FBXL7: variants seen among roughly 807,000 people sequenced by gnomAD.
FBXL7 encodes the protein F-box and leucine rich repeat protein 7.
FBXL7 carries 12 observed loss-of-function variants against 38.3 expected under a neutral mutation model. The ratio of observed to expected loss-of-function variants is 0.31; its 90% confidence interval spans 0.20 to 0.51. The LOEUF (loss-of-function observed/expected upper bound fraction) is 0.51. Among genes scored for constraint, FBXL7 ranks in the 20% least tolerant of loss-of-function variants. FBXL7 has a pLI of 0.98. For synonymous variants in FBXL7, 297 were observed against 300.9 expected, an observed-to-expected ratio of 0.99 and a Z score of 0.13; for missense variants, 567 against 676.4, an observed-to-expected ratio of 0.84 and a Z score of 1.79.
At chr5:15,512,259 C>G (rs534461367) in intron 1 of FBXL7, among the ~76,000 whole-genome samples, 25 of 152,196 alleles carry the variant, frequency 1.6e-4, no homozygotes, top group African/African-American at 6.0e-4. Context: ...AATAGAAATC[C>G]ATCTTATTCA....
intron 2 of FBXL7, among the ~76,000 whole-genome samples, chr5:15,638,799 G>C (rs145644240): frequency 1.6e-3 from 249 of 152,276 alleles, no homozygotes; most frequent in African/African-American, 5.7e-3. Flanking sequence ...CTGATTGCTA[G>C]AAATTTCCAG....
At chr5:15,716,719 C>T (rs1744051946) in intron 2 of FBXL7, among the ~76,000 whole-genome samples, 1 of 152,148 alleles carries the variant, frequency 6.6e-6, no homozygotes, top group African/African-American at 2.4e-5. Flanking sequence ...AATTTGGCTG[C>T]AATTCATAAT....
At chr5:15,580,863 A>G in intron 1 of FBXL7, 1 of 966,482 alleles carries the variant, frequency 1.0e-6, no homozygotes, top group South Asian at 4.8e-5. Context: ...TGGTTGATGC[A>G]TGGCTGGAAG....
At chr5:15,901,753 A>G (rs947647836) in intron 2 of FBXL7, among the ~76,000 whole-genome samples, 9 of 152,212 alleles carry the variant, frequency 5.9e-5, no homozygotes, top group African/African-American at 1.9e-4. Context: ...AGCACAGTGC[A>G]CTAAATACTC....
chr5:15,798,922 A>G (rs1737486288), intron 2 of FBXL7, among the ~76,000 whole-genome samples: 1 of 152,230 alleles, frequency 6.6e-6, no homozygotes, highest in Non-Finnish European at 1.5e-5. Context: ...GACTTAGACT[A>G]AAAATGCAGT....
intron 2 of FBXL7, among the ~76,000 whole-genome samples, chr5:15,764,435 C>T (rs1209906463): frequency 6.6e-6 from 1 of 152,046 alleles, no homozygotes; most frequent in African/African-American, 2.4e-5. Context: ...TAGAAGTGAA[C>T]ATTATAAGCA....
chr5:15,586,460 T>C (rs1178423567), intron 1 of FBXL7, among the ~76,000 whole-genome samples: 1 of 151,732 alleles, frequency 6.6e-6, no homozygotes, highest in African/African-American at 2.4e-5. Flanking sequence ...CATATAACTT[T>C]CATGAAGTGT....
At chr5:15,546,982 A>C (rs1737917591) in intron 1 of FBXL7, among the ~76,000 whole-genome samples, 1 of 152,204 alleles carries the variant, frequency 6.6e-6, no homozygotes, top group Non-Finnish European at 1.5e-5. Flanking sequence ...TGACACACCA[A>C]TATTTAAAAG....
rs1736754585 is a variant in FBXL7 at position 15,510,094 on chromosome 5, G to A, written c.37+9381G>A. On this transcript the variant is annotated intron_variant, in intron 1 of 3. Transcript: ENST00000504595. ...TGAATTACATTTACTCATTCTATCA[G>A]TTCCTCTTTAAATTCTTAAACCAGT... 2.0e-5 allele frequency among the ~76,000 whole-genome samples: 3 copies of A among 152,204 alleles called. No individual in the cohort carries two copies. In the South Asian group the frequency reaches 6.2e-4, roughly 31 times the overall value.
chr5:15,664,428 G>T (rs1443957413), intron 2 of FBXL7, among the ~76,000 whole-genome samples: 6 of 142,902 alleles, frequency 4.2e-5, no homozygotes, highest in Admixed American at 4.1e-4. Context: ...GGAGTTTACC[G>T]TTACCTTGAG....
chr5:15,927,757 A>G, intron 2 of FBXL7, 133 bp from the exon 3 acceptor site: 1 of 813,686 alleles, frequency 1.2e-6, no homozygotes, highest in Non-Finnish European at 1.6e-6. Flanking sequence ...CCTGGGCGAC[A>G]AGATCTTAAA....
chr5:15,560,149 T>C (rs528905407), intron 1 of FBXL7, among the ~76,000 whole-genome samples: 1 of 152,298 alleles, frequency 6.6e-6, no homozygotes, highest in East Asian at 1.9e-4. Context: ...GTAAACAAAC[T>C]TTGAGAACAG....
At chr5:15,753,198 T>C (rs1039664802) in intron 2 of FBXL7, among the ~76,000 whole-genome samples, 1 of 152,084 alleles carries the variant, frequency 6.6e-6, no homozygotes, top group Non-Finnish European at 1.5e-5. Flanking sequence ...CCCCGTATAG[T>C]GCTTGTGACT....
intron 2 of FBXL7, among the ~76,000 whole-genome samples, chr5:15,748,702 TTTTG>T (rs1332986768): frequency 3.3e-5 from 5 of 152,284 alleles, no homozygotes; most frequent in South Asian, 2.1e-4. Flanking sequence ...GGCTAATTTT[TTTTG>T]TTTGTTTGTT....
chr5:15,849,053 A>G (rs750464225), intron 2 of FBXL7, among the ~76,000 whole-genome samples: 4 of 152,234 alleles, frequency 2.6e-5, no homozygotes, highest in African/African-American at 4.8e-5. Flanking sequence ...AGTAATGTGC[A>G]GTTTCATGAA....
At chr5:15,628,128 A>G (rs971527861) in intron 2 of FBXL7, among the ~76,000 whole-genome samples, 1 of 152,244 alleles carries the variant, frequency 6.6e-6, no homozygotes, top group African/African-American at 2.4e-5. Flanking sequence ...ATTATTTTAT[A>G]TATATAACAA....
chr5:15,900,812 A>G (rs955353756), intron 2 of FBXL7, among the ~76,000 whole-genome samples: 4 of 152,248 alleles, frequency 2.6e-5, no homozygotes, highest in Admixed American at 2.6e-4. Context: ...TTAGAAGAGC[A>G]TGTGCCCCTT....
intron 2 of FBXL7, among the ~76,000 whole-genome samples, chr5:15,926,428 C>CAT (rs1325467436): frequency 2.7e-5 from 4 of 147,364 alleles, no homozygotes; most frequent in Non-Finnish European, 6.0e-5. Context: ...TCTAATAATA[C>CAT]ATATATACAT....
intron 2 of FBXL7, among the ~76,000 whole-genome samples, chr5:15,890,864 T>G (rs1395940189): frequency 2.0e-5 from 3 of 152,224 alleles, no homozygotes; most frequent in African/African-American, 7.2e-5. Flanking sequence ...ATCAAGAGTT[T>G]ATTAACTAAT....
Sources: allele counts gnomAD v4.1 joint callset (sites outside exome capture counted in the v4.1 genomes callset), GRCh38; gene constraint gnomAD v4.1.1; transcripts MANE v1.5; gene names NCBI Gene and HGNC (gene_info 2026-07-23, HGNC 2026-07-21).